The following ATRNL1 variants were observed in gnomAD, a reference collection of about 807,000 sequenced individuals.
ATRNL1 encodes the protein attractin-like protein 1.
ATRNL1 carries 95 observed loss-of-function variants against 182.7 expected under a neutral mutation model. The ratio of observed to expected loss-of-function variants is 0.52; its 90% CI spans 0.44 to 0.62. ATRNL1 has a LOEUF of 0.62. ATRNL1 is among the 20% of genes least tolerant of loss of function. The pLI is 0.00. For missense variants in ATRNL1, 1,471 were observed against 1,679.5 expected (o/e 0.88, Z 2.17); for synonymous variants, 576 against 568.3 (o/e 1.01, Z -0.19).
chr10:115,267,688 G>A (rs915095168), intron 12 of ATRNL1, among the ~76,000 whole-genome samples: 1 of 151,968 alleles, frequency 6.6e-6, no homozygotes. Flanking sequence ...TTGTTATGAT[G>A]TTTTCTTTTG....
intron 26 of ATRNL1, 45 bp from the exon 27 acceptor site, chr10:115,727,203 G>A (rs376514155): frequency 7.3e-7 from 1 of 1,375,980 alleles, no homozygotes; most frequent in East Asian, 2.3e-5. Flanking sequence ...AATTTCATGT[G>A]CTTTTAAACC....
At chr10:115,461,561 T>C (rs1554969685) in intron 21 of ATRNL1, among the ~76,000 whole-genome samples, 1 of 152,096 alleles carries the variant, frequency 6.6e-6, no homozygotes, top group Admixed American at 6.6e-5. Context: ...AATGTCTATC[T>C]TTACAGCTAC....
At chr10:115,205,913 A>G (rs1346165866) in intron 8 of ATRNL1, among the ~76,000 whole-genome samples, 2 of 152,080 alleles carry the variant, frequency 1.3e-5, no homozygotes, top group Admixed American at 6.6e-5. Context: ...GAAATTTACC[A>G]TATCTATTGT....
In ATRNL1 at chr10:115,879,305, C is replaced by A. The variant is rs143349869; in HGVS notation, c.4018+31314C>A. The stretch of plus-strand genomic sequence containing the variant: ...CTGGGTGACGTGCAACTCTCTATCT[C>A]AAAAAAAAAAGAAAGAAAGAAAGAA... On this transcript the variant is annotated intron_variant, in intron 28 of 28. Transcript: ENST00000355044. 5.2e-3 allele frequency among the ~76,000 whole-genome samples: 566 copies of A among 107,820 alleles called. 2 individuals are homozygous for A. The highest frequency in any genetic ancestry group is 9.9e-3 in the Middle Eastern group (2 of 202). 70.7% of individuals were successfully genotyped at this position (107,820 alleles called of 152,430 possible). A position where few individuals can be genotyped will look rare whatever the true frequency, so the allele number is the denominator to read the frequency against.
intron 18 of ATRNL1, among the ~76,000 whole-genome samples, chr10:115,328,676 T>G (rs1177382527): frequency 1.3e-5 from 2 of 152,106 alleles, no homozygotes; most frequent in African/African-American, 4.8e-5. Flanking sequence ...TGAGATCATG[T>G]GGTGATTGTC....
intron 24 of ATRNL1, among the ~76,000 whole-genome samples, chr10:115,481,056 G>T (rs958386860): frequency 2.0e-5 from 3 of 150,448 alleles, no homozygotes; most frequent in Middle Eastern, 3.5e-3. Context: ...GAAATCTAAT[G>T]AAACTCTTCT....
At chr10:115,122,906 T>A (rs1466918079) in intron 3 of ATRNL1, among the ~76,000 whole-genome samples, 1 of 152,158 alleles carries the variant, frequency 6.6e-6, no homozygotes. Flanking sequence ...ATTGTAACAA[T>A]TAAATTTGAT....
chr10:115,431,800 T>G (rs924480620), intron 21 of ATRNL1, among the ~76,000 whole-genome samples: 4 of 152,158 alleles, frequency 2.6e-5, no homozygotes, highest in Non-Finnish European at 4.4e-5. Context: ...TTTGTTTTTC[T>G]TATTTCAAAT....
rs1848198815 is a variant in ATRNL1 at position 115,469,279 on chromosome 10, A to G, written c.3604A>G (p.Ile1202Val). Residue 1202 changes from isoleucine to valine, a missense_variant, in exon 24 of 29, where the codon ATT becomes GTT. Physicochemically the swap from Ile to Val is conservative, Grantham distance 29 (BLOSUM62 3). This residue lies in a region of ATRNL1 where 437 missense variants were observed against 506.0 expected (regional missense o/e 0.86). Coordinates refer to ENST00000355044, the MANE Select transcript of ATRNL1 (RefSeq NM_207303.4). ...EKFNFRSNPN[I>V]TFYVYVSNFS... The stretch of plus-strand genomic sequence containing the variant: ...ATTTAACTTTAGAAGCAATCCTAAC[A>G]TTACATTCTATGTGTACGTCAGCAA... The G allele has an allele frequency of 1.3e-6, 2 of 1,538,890 alleles. No individual in the cohort carries two copies. The highest frequency in any genetic ancestry group is 1.7e-6 in the Non-Finnish European group (2 of 1,144,934).
intron 27 of ATRNL1, among the ~76,000 whole-genome samples, chr10:115,834,108 C>T (rs1398210151): frequency 6.6e-6 from 1 of 152,172 alleles, no homozygotes; most frequent in Non-Finnish European, 1.5e-5. Flanking sequence ...CCGCTATGCT[C>T]TCAGGAGCCA....
chr10:115,521,138 T>TTTGTTGTTGTCG (rs1850907024), intron 25 of ATRNL1, among the ~76,000 whole-genome samples: 1 of 148,952 alleles, frequency 6.7e-6, no homozygotes, highest in African/African-American at 2.5e-5. Flanking sequence ...TAAAACAACT[T>TTTGTTGTTGTCG]TTGTTGTTGT....
At chr10:115,638,807 G>C (rs1555029201) in intron 26 of ATRNL1, among the ~76,000 whole-genome samples, 2 of 152,156 alleles carry the variant, frequency 1.3e-5, no homozygotes, top group African/African-American at 4.8e-5. Flanking sequence ...AAGTAGAGAT[G>C]ACAGAGAATT....
intron 26 of ATRNL1, among the ~76,000 whole-genome samples, chr10:115,685,361 A>G (rs1340164513): frequency 6.6e-6 from 1 of 151,802 alleles, no homozygotes; most frequent in Non-Finnish European, 1.5e-5. Context: ...TTTATGATAT[A>G]ATTTTATCAT....
At chr10:115,598,601 ATCC>A (rs766865055) in intron 26 of ATRNL1, among the ~76,000 whole-genome samples, 53 of 151,878 alleles carry the variant, frequency 3.5e-4, no homozygotes, top group Non-Finnish European at 7.2e-4. Context: ...TGACCTTGTG[ATCC>A]ACCTGCCTCA....
chr10:115,254,046 A>G (rs1256752876), intron 10 of ATRNL1, among the ~76,000 whole-genome samples: 2 of 152,160 alleles, frequency 1.3e-5, no homozygotes, highest in Admixed American at 6.5e-5. Flanking sequence ...TGATGGACAT[A>G]TGGGTTGGTT....
rs1657481584 is a variant in ATRNL1, at chr10:115,119,883, C to G, written c.294-302C>G. The stretch of plus-strand genomic sequence containing the variant: ...TTGTGCAGATGAAGTTTAACTTACT[C>G]TATTTTGCATCAACATTGAATCCTT... On this transcript the variant is annotated intron_variant, in intron 1 of 28. Coordinates refer to ENST00000355044, the MANE Select transcript of ATRNL1 (RefSeq NM_207303.4). 3.3e-5 allele frequency among the ~76,000 whole-genome samples: 5 copies of G among 152,148 alleles called. No individual in the cohort carries two copies. In the East Asian group the frequency reaches 7.7e-4, roughly 23 times the overall value.
intron 5 of ATRNL1, among the ~76,000 whole-genome samples, chr10:115,156,570 C>T (rs1846528250): frequency 6.6e-6 from 1 of 152,078 alleles, no homozygotes; most frequent in Non-Finnish European, 1.5e-5. Flanking sequence ...TAAAAAATCT[C>T]TCAGCAGCCC....
At chr10:115,689,241 C>T (rs1434403386) in intron 26 of ATRNL1, among the ~76,000 whole-genome samples, 3 of 152,090 alleles carry the variant, frequency 2.0e-5, no homozygotes, top group Non-Finnish European at 4.4e-5. Context: ...TGTGATGGCT[C>T]CAACTTGTCT....
chr10:115,706,132 A>C (rs545612241), intron 26 of ATRNL1, among the ~76,000 whole-genome samples: 1 of 152,010 alleles, frequency 6.6e-6, no homozygotes, highest in South Asian at 2.1e-4. Context: ...CCCTGCTGAA[A>C]TCAAGGTCTC....
Sources: gnomAD v4.1 joint callset for allele counts (sites outside exome capture counted in the v4.1 genomes callset) on GRCh38, gnomAD v4.1.1 for gene constraint, gnomAD v4.1.1 regional missense constraint, MANE v1.5 for transcripts, NCBI Gene and HGNC (gene_info 2026-07-23, HGNC 2026-07-21) for gene names.